Variants in GPM6A observed in about 807,000 individuals in gnomAD.
GPM6A encodes the protein neuronal membrane glycoprotein M6-a.
Under a neutral mutation model 32.1 loss-of-function variants are expected in GPM6A, and 7 were observed. That is an observed-to-expected ratio of 0.22 (90% CI 0.12 to 0.41). The LOEUF (loss-of-function observed/expected upper bound fraction) is 0.41, where lower values mean the gene tolerates loss of function less well. Among genes scored for constraint, GPM6A ranks in the 10% least tolerant of loss-of-function variants. The pLI is 1.00. For synonymous variants in GPM6A, 130 were observed against 123.4 expected (o/e 1.05, Z -0.35); for missense variants, 235 against 347.2 (o/e 0.68, Z 2.57).
chr4:175,696,062 G>A (rs1337302628), intron 2 of GPM6A, among the ~76,000 whole-genome samples: 3 of 151,992 alleles, frequency 2.0e-5, no homozygotes, highest in Admixed American at 1.3e-4. Context: ...TTAAAACTGT[G>A]AGTCAGTTTC....
chr4:175,910,836 G>C (rs1305822122), intron 1 of GPM6A, among the ~76,000 whole-genome samples: 2 of 152,142 alleles, frequency 1.3e-5, no homozygotes, highest in Non-Finnish European at 2.9e-5. Context: ...GATGGTCTCT[G>C]TAGCAACTAC....
chr4:175,865,535 C>T (rs1736707182), intron 1 of GPM6A, among the ~76,000 whole-genome samples: 1 of 152,144 alleles, frequency 6.6e-6, no homozygotes. Context: ...AACATCTTAA[C>T]AATATTGAGT....
At chr4:175,675,736 A>G (rs1166812443) in intron 2 of GPM6A, among the ~76,000 whole-genome samples, 1 of 151,754 alleles carries the variant, frequency 6.6e-6, no homozygotes, top group African/African-American at 2.4e-5. Context: ...CGCAGCCTCA[A>G]CCTCCTGGAC....
intron 1 of GPM6A, among the ~76,000 whole-genome samples, chr4:175,980,240 C>T (rs1740781095): frequency 6.6e-6 from 1 of 152,052 alleles, no homozygotes; most frequent in African/African-American, 2.4e-5. Flanking sequence ...ATCTGCAGTC[C>T]CAGCTTCTCC....
chr4:175,870,355 C>T (rs1736868762), intron 1 of GPM6A, among the ~76,000 whole-genome samples: 1 of 152,066 alleles, frequency 6.6e-6, no homozygotes. Flanking sequence ...ATCCTAAGCC[C>T]TTTAATTCAG....
chr4:175,830,751 C>A lies in GPM6A; in HGVS notation c.-22-18502G>T, dbSNP rs76688385. ...CACGTATGCATGCCGCCATTCTGTA[C>A]TTACTGATTTCACTCAATGTGTTTG... On this transcript the variant is annotated intron_variant, in intron 1 of 7. Transcript: ENST00000280187. Among the ~76,000 whole-genome samples the A allele has an allele frequency of 3.5e-3, 535 of 152,052 alleles. 2 individuals are homozygous for A. Among genetic ancestry groups the A allele is most frequent in the African/African-American group, 0.012 (494 of 41,492 alleles).
chr4:175,656,698 C>T (rs1324426418), intron 3 of GPM6A, among the ~76,000 whole-genome samples: 2 of 152,088 alleles, frequency 1.3e-5, no homozygotes, highest in African/African-American at 4.8e-5. Context: ...TTCATCTGAA[C>T]TCCTATGAAC....
At chr4:175,970,233 C>T (rs952443026) in intron 1 of GPM6A, among the ~76,000 whole-genome samples, 1 of 152,096 alleles carries the variant, frequency 6.6e-6, no homozygotes, top group Non-Finnish European at 1.5e-5. Context: ...GGCTTTTAAA[C>T]AGAAACACAC....
chr4:175,899,984 A>C (rs1737907276), intron 1 of GPM6A, among the ~76,000 whole-genome samples: 1 of 152,268 alleles, frequency 6.6e-6, no homozygotes, highest in East Asian at 1.9e-4. Flanking sequence ...ACACAGGATT[A>C]ATAACCAGAA....
chr4:175,757,184 G>A (rs1434008072), intron 1 of GPM6A, among the ~76,000 whole-genome samples: 3 of 152,020 alleles, frequency 2.0e-5, no homozygotes, highest in Non-Finnish European at 4.4e-5. Flanking sequence ...AGTCACCCTA[G>A]GAGAAGTCAG....
At chr4:175,728,186 A>G (rs1731265385) in intron 1 of GPM6A, among the ~76,000 whole-genome samples, 1 of 152,124 alleles carries the variant, frequency 6.6e-6, no homozygotes, top group Non-Finnish European at 1.5e-5. Flanking sequence ...TATTAGAGAG[A>G]ATGAAACATA....
upstream of GPM6A, among the ~76,000 whole-genome samples, chr4:175,815,969 G>A (rs1255844111): frequency 2.0e-5 from 3 of 152,120 alleles, no homozygotes; most frequent in East Asian, 1.9e-4. Context: ...CGCCTACCTC[G>A]GCCTCCCAAA....
intron 1 of GPM6A, among the ~76,000 whole-genome samples, chr4:175,743,637 A>T (rs1004364872): frequency 1.3e-5 from 2 of 152,056 alleles, no homozygotes; most frequent in Non-Finnish European, 2.9e-5. Flanking sequence ...TTACAATTTA[A>T]AAAATGCATT....
intron 1 of GPM6A, among the ~76,000 whole-genome samples, chr4:175,819,788 T>C (rs528556771): frequency 2.4e-4 from 37 of 152,290 alleles, no homozygotes; most frequent in African/African-American, 8.7e-4. Flanking sequence ...GATTGTAAAG[T>C]CTTCTCACAA....
intron 1 of GPM6A, among the ~76,000 whole-genome samples, chr4:175,963,801 T>A (rs569495321): frequency 6.6e-6 from 1 of 152,230 alleles, no homozygotes; most frequent in South Asian, 2.1e-4. Context: ...ATGTATTCGA[T>A]GATTTTATCT....
intron 1 of GPM6A, among the ~76,000 whole-genome samples, chr4:175,883,110 G>A (rs917260471): frequency 6.6e-6 from 1 of 152,050 alleles, no homozygotes; most frequent in African/African-American, 2.4e-5. Context: ...AGAGTCTGCA[G>A]TACCCTAAGG....
chr4:175,725,571 T>G (rs188784175), intron 1 of GPM6A, among the ~76,000 whole-genome samples: 1 of 152,266 alleles, frequency 6.6e-6, no homozygotes, highest in East Asian at 1.9e-4. Context: ...AGATTACAGA[T>G]GTGAGCCACC....
At chr4:175,781,542 C>A (rs1039310093) in intron 1 of GPM6A, among the ~76,000 whole-genome samples, 1 of 152,204 alleles carries the variant, frequency 6.6e-6, no homozygotes, top group Non-Finnish European at 1.5e-5. Context: ...GATACTTTTG[C>A]TCTTTTCCTT....
Position 175,927,611 on chromosome 4 carries a change from A to C in GPM6A, c.-23+74698T>G, listed in dbSNP as rs28513735. ...GAATGAAGGTATAATTCGGCCAGGCACGGTGGCTCACGCCTGTAATCCCAG... is the reference window on the plus strand; with the variant it reads ...GAATGAAGGTATAATTCGGCCAGGCCCGGTGGCTCACGCCTGTAATCCCAG... On this transcript the variant is annotated intron_variant, in intron 1 of 7. Coordinates refer to the GPM6A transcript ENST00000280187. Among the ~76,000 whole-genome samples, 3 of 152,228 alleles carry C rather than the reference A, an allele frequency of 2.0e-5. No individual in the cohort carries two copies. The South Asian group carries it at 6.2e-4, about 31-fold the overall frequency.
Sources: gnomAD v4.1 joint callset for allele counts (sites outside exome capture counted in the v4.1 genomes callset) on GRCh38, gnomAD v4.1.1 for gene constraint, MANE v1.5 for transcripts, NCBI Gene and HGNC (gene_info 2026-07-23, HGNC 2026-07-21) for gene names.